The following FAIM variants were observed in gnomAD, a reference collection of about 807,000 sequenced individuals.
The protein encoded by FAIM is fas apoptotic inhibitory molecule 1.
A neutral mutation model predicts 21.2 loss-of-function variants in FAIM; 14 were observed. That is an observed-to-expected ratio of 0.66 (90% CI 0.44 to 1.03). FAIM has a LOEUF of 1.03. FAIM is among the 50% of genes least tolerant of loss of function. The probability of loss-of-function intolerance (pLI) is 0.00; values close to 1 mark genes in which losing one functional copy is unlikely to be tolerated. For missense variants in FAIM, 222 were observed against 247.1 expected, an observed-to-expected ratio of 0.90 and a Z score of 0.68; for synonymous variants, 86 against 80.4, an observed-to-expected ratio of 1.07 and a Z score of -0.37.
chr3:138,623,037 CAA>C (rs371960079), intron 4 of FAIM, among the ~76,000 whole-genome samples: 30 of 100,976 alleles, frequency 3.0e-4, no homozygotes, highest in Non-Finnish European at 2.7e-4. Flanking sequence ...GACTCCATCT[CAA>C]AAAAAAAAAA....
chr3:138,624,645 ACTATGCTGACTACAGC>A (rs2042922005), intron 4 of FAIM, among the ~76,000 whole-genome samples: 1 of 152,178 alleles, frequency 6.6e-6, no homozygotes, highest in African/African-American at 2.4e-5. Context: ...CAAACTTTGG[ACTATGCTGACTACAGC>A]CTACATTTTA....
intron 4 of FAIM, among the ~76,000 whole-genome samples, chr3:138,625,779 A>C (rs574081946): frequency 1.3e-5 from 2 of 152,270 alleles, no homozygotes; most frequent in African/African-American, 4.8e-5. Flanking sequence ...TATCATCTTC[A>C]TTTGCCCCTG....
intron 1 of FAIM, among the ~76,000 whole-genome samples, chr3:138,617,343 T>C (rs1466628186): frequency 6.7e-6 from 1 of 148,978 alleles, no homozygotes; most frequent in African/African-American, 2.4e-5. Context: ...TATCAAAGTT[T>C]ATATTATGCT....
intron 1 of FAIM, among the ~76,000 whole-genome samples, chr3:138,614,678 T>C (rs951233341): frequency 2.4e-4 from 36 of 152,182 alleles, no homozygotes; most frequent in Non-Finnish European, 5.1e-4. Flanking sequence ...CGGTGACTCA[T>C]GCCTGTAATC....
rs1467496290 is a variant in FAIM at position 138,621,410 on chromosome 3, T to C, written c.48T>C (p.Pro16=). 1 of 1,613,854 alleles carries C rather than the reference T, an allele frequency of 6.2e-7. No homozygotes were observed. The highest frequency in any genetic ancestry group is 1.7e-5 in the Admixed American group (1 of 59,968). ...DSPIFEDDES[P]PYSLEKMTDL... ...TTGCTTTATTTTATTCCTTTAGCCC[T>C]CCTTACAGCCTAGAAAAAATGACAG... The change falls in exon 3 of 6, where the codon CCT becomes CCC. Residue 16 remains proline, a synonymous_variant. Coordinates refer to ENST00000360570, the MANE Select transcript of FAIM (RefSeq NM_001033031.2).
rs758050797 is a variant in FAIM, at chr3:138,622,264, C to T, written c.254C>T (p.Ala85Val). ...TATGTTGGAGCTGCAAAGACAAAAG[C>T]GACCATAAATATAGACGCTATCAGT... is the stretch of plus-strand genomic sequence containing the variant. ...TFYVGAAKTK[A>V]TINIDAISGF... is the part of the protein sequence containing the mutation. The change falls in exon 4 of 6, where the codon GCG becomes GTG. Residue 85 changes from alanine to valine, a missense_variant. By Grantham distance (64) the Ala-to-Val change is moderately conservative. Coordinates refer to ENST00000360570, the MANE Select transcript of FAIM (RefSeq NM_001033031.2). The T allele has an allele frequency of 3.7e-5, 60 of 1,613,462 alleles. No individual in the cohort carries two copies. The highest frequency in any genetic ancestry group is 6.7e-5 in the African/African-American group (5 of 74,862).
At chr3:138,620,420 T>A (rs560307979) in intron 2 of FAIM, among the ~76,000 whole-genome samples, 2 of 152,324 alleles carry the variant, frequency 1.3e-5, no homozygotes, top group South Asian at 4.1e-4. Flanking sequence ...ATGTATTATG[T>A]CATTCACATA....
At chr3:138,624,681 T>A (rs568597164) in intron 4 of FAIM, among the ~76,000 whole-genome samples, 22 of 152,330 alleles carry the variant, frequency 1.4e-4, no homozygotes, top group African/African-American at 5.1e-4. Context: ...ACAGATTAGT[T>A]ATGAAGAATG....
rs2042866086 is a variant in FAIM, at chr3:138,619,901, T to C, written c.44+131T>C. On this transcript the variant is annotated intron_variant, in intron 2 of 5. Transcript: ENST00000360570. Reference sequence around the variant, plus strand: ...AATTGCAGAATACATGGTTCTGCTTTTGTGTGATTTAAAGCAGGAGTAGTA... The same window carrying C: ...AATTGCAGAATACATGGTTCTGCTTCTGTGTGATTTAAAGCAGGAGTAGTA... 3.5e-6 allele frequency: 3 copies of C among 866,838 alleles called. No individual in the cohort carries two copies. The East Asian group carries it at 8.7e-5, about 25-fold the overall frequency. 53.7% of individuals were successfully genotyped at this position (866,838 alleles called of 1,614,324 possible).
At chr3:138,619,523 A>G (rs546765813) in intron 1 of FAIM, among the ~76,000 whole-genome samples, 188 bp from the exon 2 acceptor site, 1 of 152,374 alleles carries the variant, frequency 6.6e-6, no homozygotes, top group East Asian at 1.9e-4. Context: ...ATGATGTAAC[A>G]TCTTTCTCTG....
chr3:138,616,600 TCTC>T (rs1157361180), intron 1 of FAIM, among the ~76,000 whole-genome samples: 1 of 152,106 alleles, frequency 6.6e-6, no homozygotes, highest in Non-Finnish European at 1.5e-5. Context: ...TTCAAATGAT[TCTC>T]CTGTCTCAGC....
intron 2 of FAIM, among the ~76,000 whole-genome samples, chr3:138,619,996 C>T (rs578012912): frequency 6.6e-6 from 1 of 152,314 alleles, no homozygotes; most frequent in Non-Finnish European, 1.5e-5. Flanking sequence ...GTGAGGTCTT[C>T]TCATTTCTGT....
At chr3:138,622,465 CTGTT>C (rs768614738) in intron 4 of FAIM, 49 bp downstream of exon 4, 130 of 1,207,436 alleles carry the variant, frequency 1.1e-4, no homozygotes, top group Admixed American at 2.0e-4. Flanking sequence ...TTTATAATGT[CTGTT>C]TAATTCCTGT....
chr3:138,620,722 C>T (rs2042875734), intron 2 of FAIM, among the ~76,000 whole-genome samples: 1 of 152,152 alleles, frequency 6.6e-6, no homozygotes, highest in Non-Finnish European at 1.5e-5. Flanking sequence ...CTCCTGGGCT[C>T]AAGTAATCTG....
chr3:138,611,062 T>C (rs762543545), intron 1 of FAIM: 2 of 1,534,472 alleles, frequency 1.3e-6, no homozygotes, highest in East Asian at 2.3e-5. Context: ...CAGAGCCTGG[T>C]ACATAAGTAC....
chr3:138,613,752 T>C (rs973917738), intron 1 of FAIM, among the ~76,000 whole-genome samples: 2 of 152,220 alleles, frequency 1.3e-5, no homozygotes, highest in African/African-American at 4.8e-5. Context: ...CCCAAATTGC[T>C]GGGAATGCGG....
rs368013436 is a variant in FAIM at position 138,610,953 on chromosome 3, A to G, written c.-17+2016A>G. ...CGACCCTTCCTCTATGGCCCATTCT[A>G]TCCTATGCTGCTTCCCTTTATAAGG... On this transcript the variant is annotated intron_variant, in intron 1 of 5. Transcript: ENST00000360570. 9 of 1,612,780 alleles carry G rather than the reference A, an allele frequency of 5.6e-6. No individual in the cohort carries two copies. In the African/African-American group the frequency reaches 9.4e-5, roughly 17 times the overall value.
intron 3 of FAIM, 66 bp downstream of exon 3, chr3:138,621,605 C>T (rs2042886513): frequency 2.1e-6 from 3 of 1,456,016 alleles, no homozygotes; most frequent in East Asian, 4.6e-5. Flanking sequence ...GTTAAAGTAG[C>T]ATCTTCATAT....
intron 1 of FAIM, among the ~76,000 whole-genome samples, chr3:138,618,907 A>G (rs551216823): frequency 2.5e-4 from 38 of 152,324 alleles, no homozygotes; most frequent in African/African-American, 8.7e-4. Flanking sequence ...AGGGTTTCCT[A>G]TGCATGTGAA....
Sources: allele counts gnomAD v4.1 joint callset (sites outside exome capture counted in the v4.1 genomes callset), GRCh38; gene constraint gnomAD v4.1.1; transcripts MANE v1.5; gene names NCBI Gene and HGNC (gene_info 2026-07-23, HGNC 2026-07-21).